Variants in CNTNAP4 observed in about 807,000 individuals in gnomAD.
CNTNAP4 encodes contactin-associated protein-like 4.
CNTNAP4 carries 98 observed loss-of-function variants against 148.4 expected under a neutral mutation model. The ratio of observed to expected loss-of-function variants is 0.66; its 90% CI spans 0.56 to 0.78. CNTNAP4 has a LOEUF of 0.78. CNTNAP4 is among the 30% of genes least tolerant of loss of function. The probability of loss-of-function intolerance (pLI) is 0.00; values close to 1 mark genes in which losing one functional copy is unlikely to be tolerated. For missense variants in CNTNAP4, 1,935 were observed against 1,565.6 expected, an observed-to-expected ratio of 1.24 and a Z score of -3.98; for synonymous variants, 730 against 565.1, an observed-to-expected ratio of 1.29 and a Z score of -4.14.
Position 76,449,851 on chromosome 16 carries a change from T to C in CNTNAP4, c.1064T>C (p.Ile355Thr), listed in dbSNP as rs2080392734. The change falls in exon 7 of 24, where the codon ATT (isoleucine) becomes ACT (threonine). Residue 355 changes from isoleucine to threonine, a missense_variant. Transcript: ENST00000611870. ...GCCAAGCAGCAAAAACCACAGATCA[T>C]TGCTATGGTGAGAGTCTTTATGCGA... ...DLAKQQKPQIIAMGNVSFSCS... is the reference protein window; with the variant it reads ...DLAKQQKPQITAMGNVSFSCS... 1 of 1,606,900 alleles carries C rather than the reference T, an allele frequency of 6.2e-7. No individual in the cohort carries two copies. The highest frequency in any genetic ancestry group is 2.2e-5 in the East Asian group (1 of 44,626).
chr16:76,482,986 G>C (rs541073545), intron 12 of CNTNAP4, among the ~76,000 whole-genome samples: 1 of 152,278 alleles, frequency 6.6e-6, no homozygotes, highest in South Asian at 2.1e-4. Flanking sequence ...GAGAAAAAAA[G>C]AGAGAAGACT....
chr16:76,298,482 A>ATG (rs1491431951), intron 1 of CNTNAP4, among the ~76,000 whole-genome samples: 124 of 125,760 alleles, frequency 9.9e-4, no homozygotes, highest in African/African-American at 4.1e-3. Context: ...ATGTGTGTAC[A>ATG]TGTATGTGTG....
At chr16:76,499,562 T>A (rs1274936191) in intron 15 of CNTNAP4, among the ~76,000 whole-genome samples, 1 of 151,618 alleles carries the variant, frequency 6.6e-6, no homozygotes, top group African/African-American at 2.4e-5. Flanking sequence ...TTTATTTATT[T>A]ATTTATTTTA....
chr16:76,444,931 G>C (rs4578676), intron 4 of CNTNAP4, among the ~76,000 whole-genome samples: 150,431 of 152,254 alleles, frequency 0.99, 74,340 homozygotes, highest in Non-Finnish European at 1. Context: ...GTTGATTTCC[G>C]TCTTTCTGTA....
intron 21 of CNTNAP4, among the ~76,000 whole-genome samples, chr16:76,552,957 T>C (rs2085020929): frequency 6.6e-6 from 1 of 152,164 alleles, no homozygotes; most frequent in South Asian, 2.1e-4. Context: ...CTATTGTAAA[T>C]ACATTGCAAT....
chr16:76,526,050 G>A (rs79903061), intron 17 of CNTNAP4, among the ~76,000 whole-genome samples: 1,633 of 152,088 alleles, frequency 0.011, 10 homozygotes, highest in Non-Finnish European at 0.018. Context: ...AGTAAAAAGG[G>A]TAGCATGGAA....
intron 2 of CNTNAP4, among the ~76,000 whole-genome samples, chr16:76,348,642 T>C (rs1965115340): frequency 6.6e-6 from 1 of 152,140 alleles, no homozygotes; most frequent in South Asian, 2.1e-4. Flanking sequence ...ATCACTAGTA[T>C]CAAACGCCAC....
At chr16:76,424,742 G>C (rs2079319247) in intron 3 of CNTNAP4, among the ~76,000 whole-genome samples, 1 of 150,328 alleles carries the variant, frequency 6.7e-6, no homozygotes, top group African/African-American at 2.5e-5. Flanking sequence ...CTGGGTGACA[G>C]AGTGAGACTC....
intron 4 of CNTNAP4, among the ~76,000 whole-genome samples, chr16:76,429,227 C>A (rs900202068): frequency 3.9e-5 from 6 of 152,160 alleles, no homozygotes; most frequent in African/African-American, 1.2e-4. Flanking sequence ...TATGATCCTG[C>A]AAACTAGAAG....
intron 3 of CNTNAP4, among the ~76,000 whole-genome samples, chr16:76,367,903 C>A (rs1257940611): frequency 4.6e-5 from 7 of 152,154 alleles, no homozygotes; most frequent in Non-Finnish European, 1.0e-4. Flanking sequence ...TCTTATCAGT[C>A]CTAGGCTATT....
At chr16:76,532,764 C>G (rs114252428) in intron 17 of CNTNAP4, among the ~76,000 whole-genome samples, 1 of 152,012 alleles carries the variant, frequency 6.6e-6, no homozygotes, top group Admixed American at 6.6e-5. Flanking sequence ...CCAACAAGGA[C>G]GCCAAAAGAA....
At chr16:76,404,084 A>C (rs115402532) in intron 3 of CNTNAP4, among the ~76,000 whole-genome samples, 1,696 of 152,272 alleles carry the variant, frequency 0.011, 16 homozygotes, top group African/African-American at 0.033. Context: ...AGAAAAATTA[A>C]CTATTGGGTA....
At chr16:76,289,747 A>G (rs1407585014) in intron 1 of CNTNAP4, among the ~76,000 whole-genome samples, 1 of 151,850 alleles carries the variant, frequency 6.6e-6, no homozygotes, top group African/African-American at 2.4e-5. Flanking sequence ...ATTTTTGTAC[A>G]TTTAGTAGAG....
intron 2 of CNTNAP4, among the ~76,000 whole-genome samples, chr16:76,317,765 A>G (rs1476667337): frequency 6.6e-6 from 1 of 152,128 alleles, no homozygotes; most frequent in Non-Finnish European, 1.5e-5. Flanking sequence ...TACATAATAT[A>G]TATCACACAT....
intron 14 of CNTNAP4, among the ~76,000 whole-genome samples, chr16:76,497,225 C>T (rs1347321900): frequency 6.6e-6 from 1 of 152,046 alleles, no homozygotes. Flanking sequence ...TATGGATTTA[C>T]AATATATTAC....
chr16:76,532,685 C>A (rs1385461074), intron 17 of CNTNAP4, among the ~76,000 whole-genome samples: 3 of 152,118 alleles, frequency 2.0e-5, no homozygotes, highest in African/African-American at 7.2e-5. Context: ...ATGTGGCCCC[C>A]CTGCAAAAAG....
intron 8 of CNTNAP4, among the ~76,000 whole-genome samples, chr16:76,456,878 G>A (rs959564228): frequency 6.6e-6 from 1 of 152,062 alleles, no homozygotes; most frequent in African/African-American, 2.4e-5. Context: ...ATGTGACCTC[G>A]GTAGTTTCTT....
At chr16:76,472,311 C>T (rs190871326) in intron 10 of CNTNAP4, among the ~76,000 whole-genome samples, 1 of 152,036 alleles carries the variant, frequency 6.6e-6, no homozygotes, top group Non-Finnish European at 1.5e-5. Flanking sequence ...TAATCTTTCA[C>T]ATTTGAATTA....
At chr16:76,460,098 G>A (rs28558541) in intron 8 of CNTNAP4, among the ~76,000 whole-genome samples, 1 of 151,316 alleles carries the variant, frequency 6.6e-6, no homozygotes, top group Non-Finnish European at 1.5e-5. Flanking sequence ...TTTTATTTTT[G>A]TTTTTTTTGT....
Sources: gnomAD v4.1 joint callset for allele counts (sites outside exome capture counted in the v4.1 genomes callset) on GRCh38, gnomAD v4.1.1 for gene constraint, MANE v1.5 for transcripts, NCBI Gene and HGNC (gene_info 2026-07-23, HGNC 2026-07-21) for gene names.